The following MALRD1 variants were observed in gnomAD, a reference collection of about 807,000 sequenced individuals.
The protein encoded by MALRD1 is MAM and LDL receptor class A domain containing 1.
In MALRD1, 247 loss-of-function variants were observed where a neutral mutation model predicts 242.1. The ratio of observed to expected loss-of-function variants is 1.02; its 90% confidence interval spans 0.92 to 1.13. MALRD1 has a LOEUF of 1.13. MALRD1 is among the 50% of genes most tolerant of loss of function. The pLI is 0.00. For missense variants in MALRD1, 2,989 were observed against 2,533.1 expected, an observed-to-expected ratio of 1.18 and a Z score of -3.86; for synonymous variants, 995 against 866.6, an observed-to-expected ratio of 1.15 and a Z score of -2.60.
intron 28 of MALRD1, among the ~76,000 whole-genome samples, chr10:19,404,168 CTA>C (rs1283430320): frequency 2.0e-5 from 3 of 151,962 alleles, no homozygotes; most frequent in Admixed American, 6.6e-5. Flanking sequence ...TTACAATTTA[CTA>C]TGTTTCCTTA....
At chr10:19,368,069 G>A (rs570195848) in intron 26 of MALRD1, among the ~76,000 whole-genome samples, 4 of 151,852 alleles carry the variant, frequency 2.6e-5, no homozygotes, top group Non-Finnish European at 4.4e-5. Flanking sequence ...CTTTTTACCC[G>A]GTTGATTGTT....
chr10:19,156,706 A>T (rs1370650277), intron 12 of MALRD1, among the ~76,000 whole-genome samples: 1 of 152,164 alleles, frequency 6.6e-6, no homozygotes, highest in Admixed American at 6.5e-5. Context: ...AATCATATGC[A>T]TGTATATGAT....
At chr10:19,151,800 T>A (rs1833955650) in intron 11 of MALRD1, among the ~76,000 whole-genome samples, 1 of 152,220 alleles carries the variant, frequency 6.6e-6, no homozygotes, top group African/African-American at 2.4e-5. Flanking sequence ...TTATCTTTTT[T>A]GTCTATAAGG....
intron 26 of MALRD1, among the ~76,000 whole-genome samples, chr10:19,368,004 A>G (rs1326144062): frequency 6.6e-6 from 1 of 151,866 alleles, no homozygotes; most frequent in African/African-American, 2.4e-5. Context: ...TATATTCTGG[A>G]TATTAGTGCT....
rs548290750 is a variant in MALRD1 at position 19,536,704 on chromosome 10, ACAGT to A, written c.5478+5357_5478+5360del. The stretch of plus-strand genomic sequence containing the variant: ...AAAATAATAAAAAAAAAATTGAGTG[ACAGT>A]CAGCTTCAATTTGTCCTGAACATTA... On this transcript the variant is annotated intron_variant, in intron 32 of 39. Coordinates refer to ENST00000454679, the MANE Select transcript of MALRD1 (RefSeq NM_001142308.3). Among the ~76,000 whole-genome samples, 9 of 152,254 alleles carry A rather than the reference ACAGT, an allele frequency of 5.9e-5. No homozygotes were observed. In the East Asian group the frequency reaches 1.4e-3, roughly 23 times the overall value.
At chr10:19,689,744 A>G (rs749566867) in intron 36 of MALRD1, among the ~76,000 whole-genome samples, 2 of 152,086 alleles carry the variant, frequency 1.3e-5, no homozygotes, top group African/African-American at 2.4e-5. Context: ...GTCATTATTT[A>G]TTGACATTCA....
chr10:19,219,596 C>T (rs531822120), intron 18 of MALRD1, among the ~76,000 whole-genome samples: 10 of 151,946 alleles, frequency 6.6e-5, no homozygotes, highest in African/African-American at 1.7e-4. Context: ...ACCACCACAC[C>T]GGCTAATTTT....
At chr10:19,270,956 G>A (rs1183943630) in intron 19 of MALRD1, among the ~76,000 whole-genome samples, 1 of 152,016 alleles carries the variant, frequency 6.6e-6, no homozygotes, top group Non-Finnish European at 1.5e-5. Context: ...GGGATGTGAT[G>A]AAAAATGGGA....
At chr10:19,694,293 TACAG>T (rs1310455470) in intron 38 of MALRD1, among the ~76,000 whole-genome samples, 2 of 152,238 alleles carry the variant, frequency 1.3e-5, no homozygotes, top group East Asian at 3.9e-4. Flanking sequence ...ACAGGCAACC[TACAG>T]AATGGGAGAA....
Position 19,534,840 on chromosome 10 carries a change from G to GAT in MALRD1, c.5478+3498_5478+3499dup, listed in dbSNP as rs566101560. ...AATTTATTGTAATGAAATAAAGATA[G>GAT]ATATATATATGCTATTTTATTTATA... On this transcript the variant is annotated intron_variant, in intron 32 of 39. Transcript: ENST00000454679. 2.8e-4 allele frequency among the ~76,000 whole-genome samples: 42 copies of GAT among 151,446 alleles called. No homozygotes were observed. The South Asian group carries it at 6.3e-3, about 23-fold the overall frequency.
At chr10:19,446,857 A>T (rs1835011543) in intron 28 of MALRD1, among the ~76,000 whole-genome samples, 1 of 152,156 alleles carries the variant, frequency 6.6e-6, no homozygotes, top group Admixed American at 6.6e-5. Flanking sequence ...ATCTGTATAT[A>T]TACAAGGGAA....
intron 25 of MALRD1, among the ~76,000 whole-genome samples, chr10:19,350,731 T>G (rs982359524): frequency 1.3e-5 from 2 of 152,194 alleles, no homozygotes; most frequent in Admixed American, 1.3e-4. Flanking sequence ...TAAACGTATT[T>G]ACTGAGACAT....
At chr10:19,703,073 A>T (rs562066099) in intron 38 of MALRD1, among the ~76,000 whole-genome samples, 25 of 152,222 alleles carry the variant, frequency 1.6e-4, no homozygotes, top group African/African-American at 5.8e-4. Context: ...CTAATCTCTT[A>T]GTGTGGACAC....
At chr10:19,661,997 T>A (rs983565781) in intron 36 of MALRD1, among the ~76,000 whole-genome samples, 2 of 152,160 alleles carry the variant, frequency 1.3e-5, no homozygotes, top group African/African-American at 4.8e-5. Context: ...TTTTCCAATA[T>A]ATAAATGGAT....
At chr10:19,277,621 C>T (rs779052272) in intron 19 of MALRD1, among the ~76,000 whole-genome samples, 15 of 152,058 alleles carry the variant, frequency 9.9e-5, no homozygotes, top group South Asian at 2.1e-4. Flanking sequence ...AGACATAGTT[C>T]GGGGTCTTAT....
chr10:19,168,139 G>A (rs1834778460), intron 13 of MALRD1, among the ~76,000 whole-genome samples: 1 of 152,118 alleles, frequency 6.6e-6, no homozygotes, highest in Non-Finnish European at 1.5e-5. Context: ...TCTTTACTCA[G>A]TGAAGGTCCC....
intron 18 of MALRD1, among the ~76,000 whole-genome samples, chr10:19,255,319 T>C (rs12253171): frequency 0.087 from 13,194 of 151,990 alleles, 804 homozygotes; most frequent in African/African-American, 0.17. Flanking sequence ...TTATATACAA[T>C]GTATAATGCT....
chr10:19,142,171 C>CAAAA (rs529000033), intron 10 of MALRD1, among the ~76,000 whole-genome samples: 2,636 of 26,264 alleles, frequency 0.1, 398 homozygotes, highest in Non-Finnish European at 0.14. Flanking sequence ...GACTCTAACT[C>CAAAA]AAAAAAAAAA....
At chr10:19,312,768 A>G (rs1842485088) in intron 21 of MALRD1, among the ~76,000 whole-genome samples, 1 of 151,528 alleles carries the variant, frequency 6.6e-6, no homozygotes, top group South Asian at 2.1e-4. Context: ...AGATGACATT[A>G]GATGAAATTT....
Sources: allele counts gnomAD v4.1 joint callset (sites outside exome capture counted in the v4.1 genomes callset), GRCh38; gene constraint gnomAD v4.1.1; transcripts MANE v1.5; gene names NCBI Gene and HGNC (gene_info 2026-07-23, HGNC 2026-07-21).